Variants in CFAP20DC observed in about 807,000 individuals in gnomAD.
CFAP20DC encodes the protein CFAP20 domain containing.
A neutral mutation model predicts 101.7 loss-of-function variants in CFAP20DC; 84 were observed. That is an observed-to-expected ratio of 0.83 (90% confidence interval 0.69 to 0.99). CFAP20DC has a LOEUF of 0.99. Among genes scored for constraint, CFAP20DC ranks in the 50% least tolerant of loss-of-function variants. CFAP20DC has a pLI of 0.00. For missense variants in CFAP20DC, 1,007 were observed against 970.3 expected (o/e 1.04, Z -0.50); for synonymous variants, 359 against 351.2 (o/e 1.02, Z -0.25).
At chr3:58,726,910 AGAGAT>A (rs2067560513) in intron 3 of CFAP20DC, 3 of 243,264 alleles carry the variant, frequency 1.2e-5, no homozygotes, top group Non-Finnish European at 2.5e-5. Context: ...CGCCATCAGA[AGAGAT>A]GAGAGCGACC....
At chr3:58,884,767 C>T in intron 6 of CFAP20DC, 58 bp from the exon 7 acceptor site, 6 of 1,345,210 alleles carry the variant, frequency 4.5e-6, no homozygotes, top group Non-Finnish European at 5.2e-6. Flanking sequence ...CCAAATGGAC[C>T]TATCATATAA....
chr3:59,012,490 A>C (rs1177270816), intron 4 of CFAP20DC, among the ~76,000 whole-genome samples: 1 of 152,166 alleles, frequency 6.6e-6, no homozygotes, highest in Non-Finnish European at 1.5e-5. Context: ...CAGTGGTTTT[A>C]GACAGCGTAA....
chr3:58,753,330 T>G (rs1302193370), intron 16 of CFAP20DC, among the ~76,000 whole-genome samples: 2 of 152,186 alleles, frequency 1.3e-5, no homozygotes, highest in African/African-American at 4.8e-5. Flanking sequence ...CAGCTGGTAT[T>G]TGGTAGGCAC....
chr3:58,883,110 T>A (rs573504742), intron 7 of CFAP20DC, among the ~76,000 whole-genome samples: 2 of 152,070 alleles, frequency 1.3e-5, no homozygotes, highest in South Asian at 4.2e-4. Flanking sequence ...CATATCATGG[T>A]TATCTCTTGT....
At chr3:58,948,330 G>T (rs887072224) in intron 4 of CFAP20DC, among the ~76,000 whole-genome samples, 1 of 152,190 alleles carries the variant, frequency 6.6e-6, no homozygotes, top group Non-Finnish European at 1.5e-5. Context: ...GAGTTGAAAT[G>T]CCAGCTCCTC....
chr3:58,948,741 T>G (rs2089693381), intron 4 of CFAP20DC, among the ~76,000 whole-genome samples: 1 of 152,350 alleles, frequency 6.6e-6, no homozygotes, highest in East Asian at 1.9e-4. Flanking sequence ...GATATTGGTC[T>G]AAAATTCTCT....
At chr3:58,808,489 A>T (rs2074309810) in intron 14 of CFAP20DC, among the ~76,000 whole-genome samples, 2 of 152,234 alleles carry the variant, frequency 1.3e-5, no homozygotes, top group South Asian at 4.1e-4. Context: ...AGGAGAAATA[A>T]AATCCTTTAC....
chr3:58,829,556 C>T (rs1316655233), intron 14 of CFAP20DC, among the ~76,000 whole-genome samples: 1 of 152,064 alleles, frequency 6.6e-6, no homozygotes, highest in Non-Finnish European at 1.5e-5. Context: ...GATAGACTGA[C>T]TCTGATGCAA....
chr3:58,821,734 T>C (rs945246971), intron 14 of CFAP20DC, among the ~76,000 whole-genome samples: 1 of 151,286 alleles, frequency 6.6e-6, no homozygotes, highest in African/African-American at 2.4e-5. Context: ...GAAGTCAGTG[T>C]GGCGATTCCT....
At chr3:58,965,759 A>G (rs1230120367) in intron 4 of CFAP20DC, among the ~76,000 whole-genome samples, 5 of 152,230 alleles carry the variant, frequency 3.3e-5, no homozygotes, top group Non-Finnish European at 7.3e-5. Context: ...TATTTCAAAT[A>G]GACTCCTATA....
intron 13 of CFAP20DC, among the ~76,000 whole-genome samples, chr3:58,848,338 C>G (rs1184654731): frequency 1.3e-5 from 2 of 152,098 alleles, no homozygotes; most frequent in African/African-American, 4.8e-5. Context: ...CTTTACAATG[C>G]AACACCCACA....
chr3:58,891,089 G>A (rs1303831634), intron 6 of CFAP20DC, among the ~76,000 whole-genome samples: 3 of 149,974 alleles, frequency 2.0e-5, no homozygotes, highest in South Asian at 2.1e-4. Context: ...GGAGGTGTAG[G>A]TTGTAGTGAG....
chr3:58,771,377 T>C (rs1348661065), intron 15 of CFAP20DC, among the ~76,000 whole-genome samples: 1 of 151,624 alleles, frequency 6.6e-6, no homozygotes, highest in African/African-American at 2.4e-5. Flanking sequence ...TCTGCACATG[T>C]AACCCAGAAC....
chr3:58,830,920 CTGT>C (rs2076352745), intron 14 of CFAP20DC, among the ~76,000 whole-genome samples: 2 of 152,164 alleles, frequency 1.3e-5, no homozygotes, highest in Admixed American at 1.3e-4. Flanking sequence ...AACTGTTCGA[CTGT>C]TGTTTACGCT....
intron 13 of CFAP20DC, among the ~76,000 whole-genome samples, chr3:58,846,932 T>A (rs1446305970): frequency 1.4e-4 from 21 of 149,640 alleles, no homozygotes; most frequent in Non-Finnish European, 2.4e-4. Context: ...CCCTATTTAA[T>A]AAATGGTGCT....
At chr3:58,934,024 G>C (rs1355830805) in intron 5 of CFAP20DC, among the ~76,000 whole-genome samples, 1 of 152,008 alleles carries the variant, frequency 6.6e-6, no homozygotes, top group Non-Finnish European at 1.5e-5. Context: ...TAGACCACTA[G>C]CAAGACTAAT....
chr3:58,890,127 G>C (rs1250341331), intron 6 of CFAP20DC, among the ~76,000 whole-genome samples: 4 of 148,158 alleles, frequency 2.7e-5, no homozygotes, highest in South Asian at 2.2e-4. Flanking sequence ...CAGTAGGGGC[G>C]GCCGGGCAGA....
In CFAP20DC at chr3:58,849,053, C is replaced by T. The variant is rs963508172; in HGVS notation, c.1950G>A (p.Leu650=). The T allele has an allele frequency of 6.5e-7, 1 of 1,535,676 alleles. No individual in the cohort carries two copies. The highest frequency in any genetic ancestry group is 2.0e-5 in the Admixed American group (1 of 50,958). The change falls in exon 13 of 17, where the codon CTG becomes CTA. Residue 650 remains leucine, a synonymous_variant. Transcript: ENST00000482387. ...TSLKEISGER[L]SSIPEASEYD... ...TTACAGATGCTTCGGGGATCGAGCT[C>T]AGCCTTTCCCCTGAGATTTCTTTCA...
chr3:58,933,638 A>G (rs1236367975), intron 5 of CFAP20DC, among the ~76,000 whole-genome samples: 1 of 152,208 alleles, frequency 6.6e-6, no homozygotes, highest in African/African-American at 2.4e-5. Flanking sequence ...CCACTCAACT[A>G]CATGGAAACT....
Sources: allele counts gnomAD v4.1 joint callset (sites outside exome capture counted in the v4.1 genomes callset), GRCh38; gene constraint gnomAD v4.1.1; transcripts MANE v1.5; gene names NCBI Gene and HGNC (gene_info 2026-07-23, HGNC 2026-07-21).